The following SEPTIN9 variants were observed in gnomAD, a reference collection of about 807,000 sequenced individuals.
The protein encoded by SEPTIN9 is septin 9.
In SEPTIN9, 13 loss-of-function variants were observed where a neutral mutation model predicts 56.6. That is an observed-to-expected ratio of 0.23 (90% confidence interval 0.15 to 0.37). The LOEUF is 0.37. SEPTIN9 is among the 10% of genes least tolerant of loss of function. The pLI is 1.00. For missense variants in SEPTIN9, 650 were observed against 823.1 expected (o/e 0.79, Z 2.57); for synonymous variants, 332 against 334.1 (o/e 0.99, Z 0.07).
At chr17:77,482,809 G>A in intron 4 of SEPTIN9, 1 of 533,700 alleles carries the variant, frequency 1.9e-6, no homozygotes, top group Non-Finnish European at 3.3e-6. Flanking sequence ...TGGTGGCCCC[G>A]GAGAGCTGGA....
At chr17:77,378,952 G>A (rs939890969) in intron 2 of SEPTIN9, among the ~76,000 whole-genome samples, 4 of 152,036 alleles carry the variant, frequency 2.6e-5, no homozygotes, top group Non-Finnish European at 1.5e-5. Flanking sequence ...TGAGGACAGC[G>A]GGGGCGCTGG....
intron 2 of SEPTIN9, among the ~76,000 whole-genome samples, chr17:77,365,821 C>T (rs74000216): frequency 0.016 from 2,364 of 152,266 alleles, 51 homozygotes; most frequent in African/African-American, 0.05. Flanking sequence ...GGGACCACGT[C>T]GCCTCAGTCA....
At chr17:77,354,613 G>A (rs1318448256) in intron 2 of SEPTIN9, among the ~76,000 whole-genome samples, 2 of 152,170 alleles carry the variant, frequency 1.3e-5, no homozygotes, top group East Asian at 3.9e-4. Context: ...GGACAGGCCT[G>A]CTTGTGGGTT....
At chr17:77,298,639 A>G (rs2031914726) in intron 1 of SEPTIN9, among the ~76,000 whole-genome samples, 1 of 152,110 alleles carries the variant, frequency 6.6e-6, no homozygotes, top group Non-Finnish European at 1.5e-5. Context: ...GGGTGTGTGA[A>G]TGGGGCTCAG....
chr17:77,313,546 T>C lies in SEPTIN9; in HGVS notation c.76+6349T>C, dbSNP rs1442956571. On this transcript the variant is annotated intron_variant, in intron 2 of 11. Coordinates refer to ENST00000427177, the MANE Select transcript of SEPTIN9 (RefSeq NM_001113491.2). This position sits in a 1 kb window ranked among gnomAD's most constrained non-coding sequence, Gnocchi z 4.5. ...GCCTCAGCCTGGGAATCCGTCTTGC[T>C]TGGGAGGCTGTAGGCGGGCCAGGCT... 6.6e-6 allele frequency among the ~76,000 whole-genome samples: 1 copy of C among 152,058 alleles called. No individual in the cohort carries two copies. The highest frequency in any genetic ancestry group is 1.5e-5 in the Non-Finnish European group (1 of 67,986).
In SEPTIN9 at chr17:77,492,947, A is replaced by G. The variant is rs141224795; in HGVS notation, c.1477-33A>G. 686 of 1,544,016 alleles carry G rather than the reference A, an allele frequency of 4.4e-4. 2 individuals carry two copies. In the African/African-American group the frequency reaches 7.9e-3, roughly 18 times the overall value. On this transcript the variant is annotated intron_variant, in intron 9 of 11. Coordinates refer to ENST00000427177, the MANE Select transcript of SEPTIN9 (RefSeq NM_001113491.2). This position sits in a 1 kb window ranked among gnomAD's most constrained non-coding sequence, Gnocchi z 5.4. The stretch of plus-strand genomic sequence containing the variant: ...AGGGGAGGGAATTGCCTTCCCGCAC[A>G]TGTGTAACCAATACCGTCTGCCCGT...
intron 2 of SEPTIN9, among the ~76,000 whole-genome samples, chr17:77,370,593 C>G (rs11868951): frequency 0.039 from 5,930 of 152,306 alleles, 413 homozygotes; most frequent in African/African-American, 0.14. Context: ...TTTGGCCAGG[C>G]CTGCAGTCGG....
chr17:77,465,329 A>G (rs757782375), intron 3 of SEPTIN9, among the ~76,000 whole-genome samples: 13 of 152,206 alleles, frequency 8.5e-5, no homozygotes, highest in Admixed American at 2.0e-4. Context: ...TTTTGTGTGA[A>G]CATGTTTTCA....
chr17:77,464,541 T>A (rs1324350929), intron 3 of SEPTIN9, among the ~76,000 whole-genome samples: 1 of 151,854 alleles, frequency 6.6e-6, no homozygotes, highest in African/African-American at 2.4e-5. Flanking sequence ...ACAGACACAC[T>A]CAGAATAATG....
intron 2 of SEPTIN9, among the ~76,000 whole-genome samples, chr17:77,337,280 A>T (rs1264698767): frequency 2.0e-5 from 3 of 152,182 alleles, no homozygotes. Flanking sequence ...AAGTGCTGAG[A>T]TTACAGGTGT....
intron 3 of SEPTIN9, among the ~76,000 whole-genome samples, chr17:77,479,031 C>A (rs1455319272): frequency 6.6e-6 from 1 of 152,126 alleles, no homozygotes; most frequent in Non-Finnish European, 1.5e-5. Context: ...GGGGATGGGG[C>A]TGGGGAGTTG....
intron 1 of SEPTIN9, among the ~76,000 whole-genome samples, chr17:77,300,691 C>T (rs1306734035): frequency 7.0e-6 from 1 of 143,802 alleles, no homozygotes; most frequent in East Asian, 1.9e-4. Flanking sequence ...TGGACGCCCC[C>T]ACCCCAGGCT....
At chr17:77,461,644 A>G (rs560549243) in intron 3 of SEPTIN9, among the ~76,000 whole-genome samples, 4 of 152,352 alleles carry the variant, frequency 2.6e-5, no homozygotes, top group African/African-American at 4.8e-5. Context: ...CTACAGTTCA[A>G]TGGTTTTGCT....
chr17:77,464,922 C>G (rs996025866), intron 3 of SEPTIN9, among the ~76,000 whole-genome samples: 3 of 152,204 alleles, frequency 2.0e-5, no homozygotes, highest in Non-Finnish European at 2.9e-5. Flanking sequence ...CACAGTTACA[C>G]AGCCATCGCC....
chr17:77,482,885 C>T (rs1598446098), intron 4 of SEPTIN9: 1 of 318,888 alleles, frequency 3.1e-6, no homozygotes, highest in East Asian at 5.8e-5. Context: ...CTGGAGTCTA[C>T]AGTGGGCCGC....
rs754702541 is a variant in SEPTIN9 at position 77,499,015 on chromosome 17, G to T, written c.*357G>T. 9 of 539,916 alleles carry T rather than the reference G, an allele frequency of 1.7e-5. No individual in the cohort carries two copies. Among genetic ancestry groups the T allele is most frequent in the South Asian group, 1.4e-4 (9 of 65,276 alleles). The allele number at this position is 539,916 out of a possible 1,614,324, so 33.4% of individuals were successfully genotyped here. A position where few individuals can be genotyped will look rare whatever the true frequency, so the allele number is the denominator to read the frequency against. On this transcript the variant is annotated 3_prime_UTR_variant, in exon 12 of 12. Transcript: ENST00000427177. Reference sequence around the variant, plus strand: ...GGTTCTCAGTGCCGGAGGCCTTGGGGTGGGGGCCAGGCCTCGCACTTGCAG... The same window carrying T: ...GGTTCTCAGTGCCGGAGGCCTTGGGTTGGGGGCCAGGCCTCGCACTTGCAG...
chr17:77,465,218 C>T (rs1330186829), intron 3 of SEPTIN9, among the ~76,000 whole-genome samples: 1 of 152,230 alleles, frequency 6.6e-6, no homozygotes, highest in African/African-American at 2.4e-5. Flanking sequence ...GGATAGACCA[C>T]ACTGTGTATC....
Position 77,498,655 on chromosome 17 carries a change from G to A in SEPTIN9, c.1758G>A (p.Met586Ile). The change falls in exon 12 of 12, where the codon ATG becomes ATA. Residue 586 changes from methionine to isoleucine, a missense_variant. Coordinates refer to ENST00000427177, the MANE Select transcript of SEPTIN9 (RefSeq NM_001113491.2). ...MEEKEPEAPE[M>I] is the part of the protein sequence containing the mutation. The stretch of plus-strand genomic sequence containing the variant: ...AGAAGGAGCCAGAAGCCCCGGAGAT[G>A]TAGACGCCACCCTGCCCACCCCCGG... 6.2e-7 allele frequency: 1 copy of A among 1,607,260 alleles called. No individual in the cohort carries two copies. Among genetic ancestry groups the A allele is most frequent in the Non-Finnish European group, 8.5e-7 (1 of 1,177,496 alleles).
intron 4 of SEPTIN9, among the ~76,000 whole-genome samples, chr17:77,484,802 GTGGTGGTGGTGATTGTGA>G (rs1213048103): frequency 9.8e-6 from 1 of 101,542 alleles, no homozygotes; most frequent in African/African-American, 5.2e-5. Context: ...GGTGATGTGG[GTGGTGGTGGTGATTGTGA>G]TGGTGGTGGC....
Sources: gnomAD v4.1 joint callset for allele counts (sites outside exome capture counted in the v4.1 genomes callset) on GRCh38, gnomAD v4.1.1 for gene constraint, Gnocchi (gnomAD v3.1) non-coding constraint, MANE v1.5 for transcripts, NCBI Gene and HGNC (gene_info 2026-07-23, HGNC 2026-07-21) for gene names.